Variants in SLC6A18 observed in about 807,000 individuals in gnomAD.
The protein encoded by SLC6A18 is solute carrier family 6 member 18, also known as inactive sodium-dependent neutral amino acid transporter B(0)AT3.
In SLC6A18, 58 loss-of-function variants were observed where a neutral mutation model predicts 62.9. That is an observed-to-expected ratio of 0.92 (90% CI 0.75 to 1.15). The LOEUF (loss-of-function observed/expected upper bound fraction) is 1.15. Among genes scored for constraint, SLC6A18 ranks in the 50% most tolerant of loss-of-function variants. SLC6A18 has a pLI of 0.00. For missense variants in SLC6A18, 793 were observed against 836.6 expected, an observed-to-expected ratio of 0.95 and a Z score of 0.64; for synonymous variants, 382 against 365.8, an observed-to-expected ratio of 1.04 and a Z score of -0.51.
rs1479383785 is a variant in SLC6A18, at chr5:1,243,624, G to A, written c.1201G>A (p.Val401Met). 1.9e-6 allele frequency: 3 copies of A among 1,614,080 alleles called. No homozygotes were observed. The highest frequency in any genetic ancestry group is 2.5e-6 in the Non-Finnish European group (3 of 1,180,008). ...ETDLHMPGAP[V>M]WAMLFFGMLF... ...CGACCTCCACATGCCGGGGGCTCCT[G>A]TGTGGGCCATGCTCTTCTTCGGGAT... Residue 401 changes from valine to methionine, a missense_variant, in exon 9 of 12, where the codon GTG (valine) becomes ATG (methionine). Coordinates refer to ENST00000324642, the MANE Select transcript of SLC6A18 (RefSeq NM_182632.3). The surrounding 1 kb of genome is among the most constrained non-coding windows in gnomAD (Gnocchi z 6.5).
intron 2 of SLC6A18, 50 bp downstream of exon 2, chr5:1,232,409 C>T (rs775580916): frequency 5.7e-6 from 9 of 1,577,740 alleles, no homozygotes; most frequent in Non-Finnish European, 6.9e-6. Context: ...GGGACAGGGC[C>T]CTCCTGGATG....
Position 1,232,305 on chromosome 5 carries a change from C to A in SLC6A18, c.247C>A (p.Arg83=). ...CGAGCTCGCCATCGGCCAGCGGCTGCGGAAGGGCAGCGTCGGCGTGTGGAC... is the reference window on the plus strand; with the variant it reads ...CGAGCTCGCCATCGGCCAGCGGCTGAGGAAGGGCAGCGTCGGCGTGTGGAC... The part of the protein sequence containing the change: ...HVELAIGQRL[R]KGSVGVWTAI... Residue 83 remains arginine (R), a synonymous_variant, in exon 2 of 12, where the codon CGG becomes AGG. Coordinates refer to ENST00000324642, the MANE Select transcript of SLC6A18 (RefSeq NM_182632.3). 1 of 1,612,456 alleles carries A rather than the reference C, an allele frequency of 6.2e-7. No homozygotes were observed. Among genetic ancestry groups the A allele is most frequent in the Non-Finnish European group, 8.5e-7 (1 of 1,179,836 alleles).
intron 4 of SLC6A18, among the ~76,000 whole-genome samples, chr5:1,237,514 G>A (rs867093623): frequency 2.6e-5 from 4 of 152,148 alleles, no homozygotes; most frequent in Non-Finnish European, 5.9e-5. Flanking sequence ...GAGTGGACAG[G>A]AGGGAGGCCG....
At chr5:1,232,623 C>G (rs1020605888) in intron 2 of SLC6A18, 128 bp from the exon 3 acceptor site, 10 of 1,356,986 alleles carry the variant, frequency 7.4e-6, no homozygotes, top group Non-Finnish European at 8.9e-6. Context: ...GTGAGGGAGG[C>G]CTGGCTTTCA....
At position 1,243,746 on chromosome 5, in the gene SLC6A18, G is replaced by A. The variant is rs758741125; in HGVS notation, c.1323G>A (p.Lys441=). 6 of 1,607,650 alleles carry A rather than the reference G, an allele frequency of 3.7e-6. No individual in the cohort carries two copies. The Admixed American group carries it at 1.0e-4, about 27-fold the overall frequency. ...DVGVLPRWVP[K]EALTGLVCLV... is the part of the protein sequence containing the mutation. The stretch of plus-strand genomic sequence containing the variant: ...GGGTCCTGCCTAGATGGGTCCCCAA[G>A]GAGGCCCTGACTGGTGAGCGCACAG... The change falls in exon 9 of 12, where the codon AAG becomes AAA. Residue 441 remains lysine, a synonymous_variant. Coordinates refer to ENST00000324642, the MANE Select transcript of SLC6A18 (RefSeq NM_182632.3). This position sits in a 1 kb window ranked among gnomAD's most constrained non-coding sequence, Gnocchi z 6.5.
intron 2 of SLC6A18, 39 bp downstream of exon 2, chr5:1,232,398 A>G (rs2126529589): frequency 2.5e-6 from 4 of 1,587,106 alleles, no homozygotes; most frequent in South Asian, 2.3e-5. Context: ...TGAGGCTGCC[A>G]GGGACAGGGC....
intron 2 of SLC6A18, 26 bp from the exon 3 acceptor site, chr5:1,232,725 C>A: frequency 6.3e-7 from 1 of 1,582,068 alleles, no homozygotes; most frequent in South Asian, 1.1e-5. Context: ...AGCCCCGGGG[C>A]CACCTGACAT....
chr5:1,237,732 C>T (rs144442467), intron 4 of SLC6A18, among the ~76,000 whole-genome samples: 127 of 152,288 alleles, frequency 8.3e-4, no homozygotes, highest in Admixed American at 2.2e-3. Flanking sequence ...AACGAATGTG[C>T]ATGTGACTGT....
intron 1 of SLC6A18, among the ~76,000 whole-genome samples, chr5:1,229,103 T>A (rs1328609022): frequency 6.6e-6 from 1 of 152,170 alleles, no homozygotes; most frequent in Non-Finnish European, 1.5e-5. Flanking sequence ...TCTGGTTGAT[T>A]TTTTATCTAC....
chr5:1,226,998 A>T (rs995097227), intron 1 of SLC6A18, among the ~76,000 whole-genome samples: 1 of 93,116 alleles, frequency 1.1e-5, no homozygotes, highest in African/African-American at 3.8e-5. Context: ...TGCCTTGCCC[A>T]CCGATGCCTT....
rs1579522449 is a variant in SLC6A18, at chr5:1,225,735, G to A, written c.160+98G>A. The A allele has an allele frequency of 5.7e-6, 8 of 1,397,000 alleles. No homozygotes were observed. The East Asian group carries it at 1.7e-4, about 30-fold the overall frequency. 86.5% of individuals were successfully genotyped at this position (1,397,000 alleles called of 1,614,324 possible). On this transcript the variant is annotated intron_variant, in intron 1 of 11. Coordinates refer to ENST00000324642, the MANE Select transcript of SLC6A18 (RefSeq NM_182632.3). ...CCTGCCACGCATCCCCAGTGCTTGG[G>A]CAGAGTCACTCCTCCTGGAAACCAG...
In SLC6A18 at chr5:1,238,040, A is replaced by G; in HGVS notation, c.712A>G (p.Ile238Val). The G allele has an allele frequency of 6.2e-7, 1 of 1,614,052 alleles. No homozygotes were observed. Among genetic ancestry groups the G allele is most frequent in the Non-Finnish European group, 8.5e-7 (1 of 1,179,908 alleles). The change falls in exon 5 of 12, where the codon ATC becomes GTC. Residue 238 changes from isoleucine (I) to valine (V), a missense_variant. By Grantham distance (29) the Ile-to-Val change is conservative. Coordinates refer to ENST00000324642, the MANE Select transcript of SLC6A18 (RefSeq NM_182632.3). ...LTLPGATKGL[I>V]YLFTPNMHIL... is the part of the protein sequence containing the mutation. ...CCTGCCAGGGGCAACAAAAGGACTC[A>G]TCTACTTGTTCACTCCCAACGTAAG...
chr5:1,229,065 A>G (rs1319534746), intron 1 of SLC6A18, among the ~76,000 whole-genome samples: 1 of 152,214 alleles, frequency 6.6e-6, no homozygotes, highest in African/African-American at 2.4e-5. Flanking sequence ...GGGTTGGCCA[A>G]CAGAGCCACC....
intron 1 of SLC6A18, 124 bp from the exon 2 acceptor site, chr5:1,232,095 G>T: frequency 1.2e-6 from 1 of 837,962 alleles, no homozygotes; most frequent in Non-Finnish European, 1.9e-6. Context: ...CACCACCCAA[G>T]TGGTGCCCCC....
At chr5:1,232,999 GA>G in intron 3 of SLC6A18, 111 bp downstream of exon 3, 1 of 1,458,520 alleles carries the variant, frequency 6.9e-7, no homozygotes, top group South Asian at 1.4e-5. Flanking sequence ...ACCGCGGGGG[GA>G]GGGCCGGGGA....
chr5:1,225,741 T>C, intron 1 of SLC6A18, 104 bp downstream of exon 1: 1 of 1,370,332 alleles, frequency 7.3e-7, no homozygotes, highest in Non-Finnish European at 9.8e-7. Flanking sequence ...TTGGGCAGAG[T>C]CACTCCTCCT....
chr5:1,242,995 A>C, intron 8 of SLC6A18, 132 bp downstream of exon 8: 2 of 1,078,088 alleles, frequency 1.9e-6, no homozygotes, highest in Non-Finnish European at 2.6e-6. Flanking sequence ...TGAACCAAGA[A>C]CCCCAGTCTA....
chr5:1,227,225 A>T (rs547740654), intron 1 of SLC6A18, among the ~76,000 whole-genome samples: 3 of 152,140 alleles, frequency 2.0e-5, no homozygotes, highest in African/African-American at 7.2e-5. Flanking sequence ...CCTGCAGTGT[A>T]CTGGAAGTGT....
intron 1 of SLC6A18, among the ~76,000 whole-genome samples, chr5:1,226,548 T>G (rs1410981404): frequency 6.6e-6 from 1 of 152,184 alleles, no homozygotes; most frequent in Admixed American, 6.5e-5. Flanking sequence ...CTTTAAAGTG[T>G]TTTTCCTCCT....
Sources: allele counts gnomAD v4.1 joint callset (sites outside exome capture counted in the v4.1 genomes callset), GRCh38; gene constraint gnomAD v4.1.1; non-coding constraint Gnocchi (gnomAD v3.1); transcripts MANE v1.5; gene names NCBI Gene and HGNC (gene_info 2026-07-23, HGNC 2026-07-21).